SNX29: variants seen among roughly 807,000 people sequenced by gnomAD.
The protein encoded by SNX29 is sorting nexin 29.
SNX29 carries 78 observed loss-of-function variants against 102.1 expected under a neutral mutation model. The ratio of observed to expected loss-of-function variants is 0.76; its 90% CI spans 0.64 to 0.92. The LOEUF (loss-of-function observed/expected upper bound fraction) is 0.92, where lower values mean the gene tolerates loss of function less well. Ranked by LOEUF, SNX29 falls within the 40% of genes least tolerant of loss-of-function variation. The pLI is 0.00. For missense variants in SNX29, 1,280 were observed against 1,061.7 expected (o/e 1.21, Z -2.86); for synonymous variants, 580 against 414.5 (o/e 1.40, Z -4.85).
chr16:12,492,065 A>G (rs1308079906), intron 19 of SNX29, among the ~76,000 whole-genome samples: 3 of 152,240 alleles, frequency 2.0e-5, no homozygotes, highest in Non-Finnish European at 4.4e-5. Flanking sequence ...TGGCTGGGTC[A>G]GATGGTATTT....
At chr16:12,269,099 C>T (rs1327315019) in intron 14 of SNX29, among the ~76,000 whole-genome samples, 2 of 152,216 alleles carry the variant, frequency 1.3e-5, no homozygotes, top group Admixed American at 1.3e-4. Flanking sequence ...CAAACACAGT[C>T]TCCCTGTCTA....
At chr16:12,416,023 C>G (rs886575051) in intron 18 of SNX29, among the ~76,000 whole-genome samples, 6 of 152,084 alleles carry the variant, frequency 3.9e-5, no homozygotes, top group African/African-American at 1.4e-4. Flanking sequence ...CAGACACATG[C>G]ATCTGCCTCA....
chr16:12,481,549 CACA>C (rs1567608727), intron 19 of SNX29, among the ~76,000 whole-genome samples: 30 of 134,452 alleles, frequency 2.2e-4, no homozygotes, highest in South Asian at 5.1e-4. Context: ...CACACACACA[CACA>C]CACCCCAAAT....
intron 18 of SNX29, among the ~76,000 whole-genome samples, chr16:12,429,685 G>A (rs1180128472): frequency 6.6e-6 from 1 of 152,170 alleles, no homozygotes; most frequent in Non-Finnish European, 1.5e-5. Flanking sequence ...TCATTTCTCT[G>A]ATTGTTCCTT....
At chr16:12,403,242 G>A (rs1227527452) in intron 17 of SNX29, among the ~76,000 whole-genome samples, 3 of 145,368 alleles carry the variant, frequency 2.1e-5, no homozygotes, top group Non-Finnish European at 4.6e-5. Flanking sequence ...GTGTGTGTGT[G>A]TGTGTGTGTG....
At chr16:12,408,510 C>G (rs928762628) in intron 18 of SNX29, among the ~76,000 whole-genome samples, 1 of 152,222 alleles carries the variant, frequency 6.6e-6, no homozygotes. Context: ...CAGAACCTGC[C>G]TCGGGGTGGC....
chr16:12,544,053 A>C (rs902868968), intron 20 of SNX29, among the ~76,000 whole-genome samples: 1 of 152,234 alleles, frequency 6.6e-6, no homozygotes, highest in African/African-American at 2.4e-5. Flanking sequence ...GCAAAGCCAC[A>C]GGAATCACAT....
intron 20 of SNX29, among the ~76,000 whole-genome samples, chr16:12,544,287 G>A (rs968594976): frequency 1.3e-4 from 20 of 152,288 alleles, no homozygotes; most frequent in South Asian, 4.1e-4. Flanking sequence ...CTCTCAGTAC[G>A]GCATCCAGGC....
chr16:12,531,098 C>G (rs1261157953), intron 20 of SNX29, among the ~76,000 whole-genome samples: 1 of 152,310 alleles, frequency 6.6e-6, no homozygotes, highest in South Asian at 2.1e-4. Flanking sequence ...TAAATTTTTC[C>G]TGACATCACT....
intron 15 of SNX29, among the ~76,000 whole-genome samples, chr16:12,308,641 G>T (rs954452741): frequency 6.6e-6 from 1 of 152,124 alleles, no homozygotes; most frequent in Non-Finnish European, 1.5e-5. Flanking sequence ...AAAAATCCTC[G>T]ACTTCTAAGG....
rs144378107 is a variant in SNX29 at position 12,571,019 on chromosome 16, G to C, written c.*2390G>C. ...ACAGACCGTAGAGTCGAGTCATCTC[G>C]CAGATCCAGACCATCTCCTCTCATT... is the stretch of plus-strand genomic sequence containing the variant. On this transcript the variant is annotated 3_prime_UTR_variant, in exon 21 of 21. Transcript: ENST00000566228. 109 of 232,622 alleles carry C rather than the reference G, an allele frequency of 4.7e-4. 1 individual carries two copies. Among genetic ancestry groups the C allele is most frequent in the African/African-American group, 2.1e-3 (97 of 45,422 alleles). 14.4% of individuals were successfully genotyped at this position (232,622 alleles called of 1,614,324 possible).
chr16:12,077,237 C>G (rs2051620417), intron 10 of SNX29, among the ~76,000 whole-genome samples: 1 of 151,614 alleles, frequency 6.6e-6, no homozygotes, highest in Admixed American at 6.6e-5. Flanking sequence ...TGAGATTGCA[C>G]CACTGCACTC....
chr16:12,318,251 AGGCCTTTGTTGAACCGTAAGCAGCAGC>A (rs1488706796), intron 15 of SNX29, among the ~76,000 whole-genome samples: 4 of 152,258 alleles, frequency 2.6e-5, no homozygotes, highest in Non-Finnish European at 5.9e-5. Context: ...TACAGCCAGC[AGGCCTTTGTTGAACCGTAAGCAGCAGC>A]GGCCTTGATC....
intron 18 of SNX29, among the ~76,000 whole-genome samples, chr16:12,451,427 A>G (rs1481734933): frequency 6.6e-6 from 1 of 152,166 alleles, no homozygotes; most frequent in Non-Finnish European, 1.5e-5. Context: ...CTTGTCCCCA[A>G]CCATTTAATG....
At chr16:12,501,008 C>G (rs942779650) in intron 19 of SNX29, among the ~76,000 whole-genome samples, 1 of 152,160 alleles carries the variant, frequency 6.6e-6, no homozygotes, top group Admixed American at 6.5e-5. Flanking sequence ...TGGGGTGTGG[C>G]TGTGTGCTGT....
At chr16:12,549,823 C>T (rs1352031272) in intron 20 of SNX29, among the ~76,000 whole-genome samples, 2 of 152,250 alleles carry the variant, frequency 1.3e-5, no homozygotes, top group African/African-American at 4.8e-5. Flanking sequence ...CCCTGTGTGG[C>T]CAGGCCTTGC....
intron 14 of SNX29, among the ~76,000 whole-genome samples, chr16:12,243,089 A>G (rs538794015): frequency 3.9e-5 from 6 of 152,356 alleles, no homozygotes; most frequent in Non-Finnish European, 1.5e-5. Flanking sequence ...GGCTGGAATA[A>G]TGGAACTGTG....
At chr16:11,992,253 C>T (rs1382636469) in intron 1 of SNX29, among the ~76,000 whole-genome samples, 1 of 152,016 alleles carries the variant, frequency 6.6e-6, no homozygotes, top group Non-Finnish European at 1.5e-5. Flanking sequence ...ATGATCATGC[C>T]ACTGTACTTC....
intron 17 of SNX29, among the ~76,000 whole-genome samples, chr16:12,399,683 G>A (rs562030260): frequency 3.3e-5 from 5 of 152,276 alleles, no homozygotes; most frequent in African/African-American, 1.2e-4. Flanking sequence ...ATTATGAAAG[G>A]CATGAGGGCA....
Sources: allele counts gnomAD v4.1 joint callset (sites outside exome capture counted in the v4.1 genomes callset), GRCh38; gene constraint gnomAD v4.1.1; transcripts MANE v1.5; gene names NCBI Gene and HGNC (gene_info 2026-07-23, HGNC 2026-07-21).